Variants in MTA3 observed in about 807,000 individuals in gnomAD.
MTA3 encodes the protein metastasis-associated protein MTA3.
MTA3 carries 34 observed loss-of-function variants against 83.5 expected under a neutral mutation model. The ratio of observed to expected loss-of-function variants is 0.41; its 90% CI spans 0.31 to 0.54. The LOEUF is 0.54. Among genes scored for constraint, MTA3 ranks in the 20% least tolerant of loss-of-function variants. The pLI, the probability that MTA3 is intolerant of heterozygous loss-of-function variation, is 0.33. For missense variants in MTA3, 761 were observed against 726.4 expected (o/e 1.05, Z -0.55); for synonymous variants, 303 against 252.7 (o/e 1.20, Z -1.89).
At chr2:42,552,660 A>C (rs1273353392) in intron 2 of MTA3, among the ~76,000 whole-genome samples, 2 of 151,968 alleles carry the variant, frequency 1.3e-5, no homozygotes, top group African/African-American at 4.8e-5. Flanking sequence ...AAGAAAAAGA[A>C]AAAAGAAAGG....
At chr2:42,577,105 A>ATATATAT (rs1553347510) in intron 2 of MTA3, among the ~76,000 whole-genome samples, 3 of 86,950 alleles carry the variant, frequency 3.5e-5, no homozygotes, top group Admixed American at 1.3e-4. Flanking sequence ...AAAAAAAAAA[A>ATATATAT]ATATATATAT....
At chr2:42,610,687 G>A (rs1684083065) in intron 4 of MTA3, among the ~76,000 whole-genome samples, 1 of 152,078 alleles carries the variant, frequency 6.6e-6, no homozygotes, top group African/African-American at 2.4e-5. Flanking sequence ...GAGCTCAAAA[G>A]ATTCTTACCC....
At chr2:42,692,095 C>G (rs1236570334) in intron 9 of MTA3, among the ~76,000 whole-genome samples, 1 of 152,138 alleles carries the variant, frequency 6.6e-6, no homozygotes, top group Non-Finnish European at 1.5e-5. Flanking sequence ...GCCAATAACT[C>G]TTAGATTTGC....
chr2:42,668,753 A>C (rs1690521547), intron 8 of MTA3, among the ~76,000 whole-genome samples: 1 of 152,184 alleles, frequency 6.6e-6, no homozygotes, highest in Non-Finnish European at 1.5e-5. Context: ...ATACCATTTA[A>C]TATAATTGTT....
At chr2:42,570,265 A>C (rs999999001) in intron 1 of MTA3, among the ~76,000 whole-genome samples, 172 bp from the exon 2 acceptor site, 2 of 152,236 alleles carry the variant, frequency 1.3e-5, no homozygotes, top group Non-Finnish European at 2.9e-5. Context: ...AGGTCTGTGA[A>C]TAGTAGGCAC....
At chr2:42,599,236 T>G (rs1205205026) in intron 3 of MTA3, among the ~76,000 whole-genome samples, 2 of 152,184 alleles carry the variant, frequency 1.3e-5, no homozygotes, top group Non-Finnish European at 2.9e-5. Context: ...TTATGGGGAT[T>G]TGTGCATCTT....
At chr2:42,727,489 G>A (rs758417958) in intron 16 of MTA3, among the ~76,000 whole-genome samples, 1 of 152,196 alleles carries the variant, frequency 6.6e-6, no homozygotes, top group Non-Finnish European at 1.5e-5. Context: ...AAGTGGCTGT[G>A]AGTAGGTGAG....
At chr2:42,594,354 A>G (rs1681429883) in intron 3 of MTA3, among the ~76,000 whole-genome samples, 1 of 147,472 alleles carries the variant, frequency 6.8e-6, no homozygotes, top group Non-Finnish European at 1.5e-5. Flanking sequence ...CTTATGCCTC[A>G]GCCTTCTGAG....
At chr2:42,747,208 C>G (rs1558640195) in intron 16 of MTA3, among the ~76,000 whole-genome samples, 3 of 152,058 alleles carry the variant, frequency 2.0e-5, no homozygotes, top group Admixed American at 6.5e-5. Context: ...CCATGTTGGC[C>G]AGGCTGGTCT....
intron 16 of MTA3, among the ~76,000 whole-genome samples, chr2:42,738,833 G>T (rs921230644): frequency 1.3e-5 from 2 of 152,128 alleles, no homozygotes; most frequent in South Asian, 4.1e-4. Context: ...GAGACTGCAG[G>T]GGTGAAATAA....
rs1323055207 is a variant in MTA3, at chr2:42,616,252, G to A, written c.317+6668G>A. The stretch of plus-strand genomic sequence containing the variant: ...ATATTTTTGTATTTTTAGTTGAGAC[G>A]GGGTTTCACCATGTTGGCCAGGCTG... On this transcript the variant is annotated intron_variant, in intron 4 of 16. Transcript: ENST00000405094. Among the ~76,000 whole-genome samples, 5 of 151,840 alleles carry A rather than the reference G, an allele frequency of 3.3e-5. No individual in the cohort carries two copies. In the East Asian group the frequency reaches 5.8e-4, roughly 18 times the overall value.
At chr2:42,625,953 T>C (rs924519781) in intron 4 of MTA3, among the ~76,000 whole-genome samples, 8 of 148,800 alleles carry the variant, frequency 5.4e-5, no homozygotes, top group African/African-American at 7.5e-5. Context: ...TTTCTTTTTT[T>C]TTTTTTTGAG....
intron 16 of MTA3, among the ~76,000 whole-genome samples, chr2:42,728,655 T>A (rs1458030053): frequency 6.6e-6 from 1 of 152,234 alleles, no homozygotes; most frequent in East Asian, 1.9e-4. Flanking sequence ...CTATTTTAAC[T>A]GGGGCTAAAT....
chr2:42,753,291 G>A, intron 16 of MTA3, 83 bp from the exon 17 acceptor site: 1 of 1,545,548 alleles, frequency 6.5e-7, no homozygotes, highest in South Asian at 1.2e-5. Context: ...GTGATGTTGG[G>A]AGGGGTGAGT....
At chr2:42,618,390 C>G (rs1685161184) in intron 4 of MTA3, among the ~76,000 whole-genome samples, 1 of 152,102 alleles carries the variant, frequency 6.6e-6, no homozygotes, top group African/African-American at 2.4e-5. Context: ...CTGTCAATTT[C>G]CTCCCGGTAA....
chr2:42,604,089 TGG>T (rs1315981300), intron 3 of MTA3, among the ~76,000 whole-genome samples: 183 of 152,038 alleles, frequency 1.2e-3, no homozygotes, highest in African/African-American at 4.2e-3. Flanking sequence ...TCGCCCAGGC[TGG>T]AGTGCAATGG....
At chr2:42,729,323 G>A (rs977977415) in intron 16 of MTA3, among the ~76,000 whole-genome samples, 2 of 151,698 alleles carry the variant, frequency 1.3e-5, no homozygotes, top group African/African-American at 2.4e-5. Context: ...GGATGATCTC[G>A]ATCCCCTGAC....
chr2:42,677,916 A>G (rs1050841396), intron 8 of MTA3, among the ~76,000 whole-genome samples: 2 of 152,134 alleles, frequency 1.3e-5, no homozygotes, highest in Admixed American at 6.5e-5. Flanking sequence ...ATATTCATCT[A>G]TTTTCAGACC....
chr2:42,613,835 A>G (rs895709365), intron 4 of MTA3: 1 of 152,026 alleles, frequency 6.6e-6, no homozygotes, highest in Non-Finnish European at 1.5e-5. Flanking sequence ...GACTTTTCGG[A>G]GTAGAGTTAG....
Sources: gnomAD v4.1 joint callset for allele counts (sites outside exome capture counted in the v4.1 genomes callset) on GRCh38, gnomAD v4.1.1 for gene constraint, MANE v1.5 for transcripts, NCBI Gene and HGNC (gene_info 2026-07-23, HGNC 2026-07-21) for gene names.